The following XRCC6 variants were observed in gnomAD, a reference collection of about 807,000 sequenced individuals.
XRCC6 encodes X-ray repair cross complementing 6, also known as DNA repair protein Ku70.
A neutral mutation model predicts 65.7 loss-of-function variants in XRCC6; 5 were observed. The observed-to-expected ratio is 0.08, with a 90% CI of 0.04 to 0.16. The LOEUF (loss-of-function observed/expected upper bound fraction) is 0.16, where lower values mean the gene tolerates loss of function less well. Among genes scored for constraint, XRCC6 ranks in the 10% least tolerant of loss-of-function variants. The probability of loss-of-function intolerance (pLI) is 1.00; values close to 1 mark genes in which losing one functional copy is unlikely to be tolerated. For missense variants in XRCC6, 447 were observed against 738.1 expected (o/e 0.61, Z 4.57); for synonymous variants, 270 against 270.6 (o/e 1.00, Z 0.02).
At chr22:41,642,690 C>A (rs530569518) in intron 6 of XRCC6, among the ~76,000 whole-genome samples, 1 of 152,142 alleles carries the variant, frequency 6.6e-6, no homozygotes, top group South Asian at 2.1e-4. Flanking sequence ...AATATTTAAA[C>A]TTACTGTAGC....
In XRCC6 at chr22:41,663,750, G is replaced by C. The variant is rs538910971; in HGVS notation, c.1765G>C (p.Gly589Arg). ...PMLKEACRAYGLKSGLKKQEL... is the reference protein window; with the variant it reads ...PMLKEACRAYRLKSGLKKQEL... ...GCTGAAAGAGGCCTGCCGGGCTTAC[G>C]GGCTGAAGAGTGGGCTGAAGAAGCA... is the stretch of plus-strand genomic sequence containing the variant. The change falls in exon 13 of 13, where the codon GGG becomes CGG. Residue 589 changes from glycine (G) to arginine (R), a missense_variant. Physicochemically the swap from Gly to Arg is moderately radical, Grantham distance 125. Transcript: ENST00000360079. The C allele has an allele frequency of 6.2e-7, 1 of 1,613,908 alleles. No individual in the cohort carries two copies. The highest frequency in any genetic ancestry group is 1.7e-5 in the Admixed American group (1 of 60,008).
At position 41,643,474 on chromosome 22, in the gene XRCC6, A is replaced by G. The variant is rs536126797; in HGVS notation, c.774-3422A>G. Among the ~76,000 whole-genome samples the G allele has an allele frequency of 2.5e-3, 379 of 152,104 alleles. 1 individual carries two copies. The highest frequency in any genetic ancestry group is 8.7e-3 in the African/African-American group (360 of 41,486). On this transcript the variant is annotated intron_variant, in intron 6 of 12. Transcript: ENST00000360079. ...TGTCTCTGAGCATGGCTTTAGCTGCATCGTATACATTTTGATATATTGTGT... is the reference window on the plus strand; with the variant it reads ...TGTCTCTGAGCATGGCTTTAGCTGCGTCGTATACATTTTGATATATTGTGT...
At chr22:41,622,477 A>G (rs748057227) in intron 2 of XRCC6, among the ~76,000 whole-genome samples, 2 of 152,148 alleles carry the variant, frequency 1.3e-5, no homozygotes, top group Non-Finnish European at 2.9e-5. Context: ...AACGCAAGCA[A>G]CACAGTTACA....
intron 6 of XRCC6, among the ~76,000 whole-genome samples, chr22:41,642,788 C>T (rs2067892211): frequency 6.6e-6 from 1 of 152,182 alleles, no homozygotes; most frequent in South Asian, 2.1e-4. Flanking sequence ...TTATCGTCAA[C>T]TCTCCTTCAA....
chr22:41,626,631 G>GTTTTTTTT lies in XRCC6; in HGVS notation c.83-1483_83-1476dup, dbSNP rs921225213. On this transcript the variant is annotated intron_variant, in intron 2 of 12. Coordinates refer to ENST00000360079, the MANE Select transcript of XRCC6 (RefSeq NM_001469.5). ...CACCACACCTGGCTAATGTTTGTTT[G>GTTTTTTTT]TTTTTTTTTTTGTTTTTTTTTTTTG... is the stretch of plus-strand genomic sequence containing the variant. 1.5e-3 allele frequency among the ~76,000 whole-genome samples: 169 copies of GTTTTTTTT among 111,424 alleles called. 6 individuals are homozygous for GTTTTTTTT. Among genetic ancestry groups the GTTTTTTTT allele is most frequent in the Non-Finnish European group, 2.2e-3 (112 of 49,908 alleles). The allele number at this position is 111,424 out of a possible 152,430, so 73.1% of individuals were successfully genotyped here. A position where few individuals can be genotyped will look rare whatever the true frequency, so the allele number is the denominator to read the frequency against.
intron 3 of XRCC6, among the ~76,000 whole-genome samples, chr22:41,631,543 A>G (rs369567853): frequency 1.5e-4 from 18 of 120,046 alleles, no homozygotes; most frequent in Non-Finnish European, 2.1e-4. Flanking sequence ...CGGCGGGGCA[A>G]AGGCGCTCCC....
In XRCC6 at chr22:41,658,347, T is replaced by TGACATGTAAGGAGGTTGAATAGAGTA. The variant is rs749345195; in HGVS notation, c.1519_1522+22dup. On this transcript the variant is annotated stop_gained and frameshift_variant, in exon 11 of 13. Coordinates refer to ENST00000360079, the MANE Select transcript of XRCC6 (RefSeq NM_001469.5). LOFTEE classifies it high-confidence loss of function. ...ATGGAGCCGGAACAAGCAGTGGACCTGACATGTAAGGAGGTTGAATAGAGT... is the reference window on the plus strand; with the variant it reads ...ATGGAGCCGGAACAAGCAGTGGACCTGACATGTAAGGAGGTTGAATAGAGTAGACATGTAAGGAGGTTGAATAGAGT... The TGACATGTAAGGAGGTTGAATAGAGTA allele has an allele frequency of 6.2e-7, 1 of 1,614,074 alleles. No homozygotes were observed. The highest frequency in any genetic ancestry group is 8.5e-7 in the Non-Finnish European group (1 of 1,179,960).
At chr22:41,633,322 G>A (rs1454743006) in intron 3 of XRCC6, among the ~76,000 whole-genome samples, 1 of 152,086 alleles carries the variant, frequency 6.6e-6, no homozygotes, top group Non-Finnish European at 1.5e-5. Flanking sequence ...AAATTGTCAG[G>A]TGATGCTGAT....
intron 11 of XRCC6, among the ~76,000 whole-genome samples, chr22:41,661,123 T>A (rs1419036925): frequency 1.3e-5 from 2 of 152,188 alleles, no homozygotes; most frequent in African/African-American, 4.8e-5. Flanking sequence ...TTAAAGCATT[T>A]ACAACAGTGC....
Position 41,650,866 on chromosome 22 carries a change from G to A in XRCC6, c.1104G>A (p.Val368=), listed in dbSNP as rs761032323. Reference sequence around the variant, plus strand: ...ATTACCTGAGGCCCTCCCTGTTCGTGTACCCAGAGGAGTCGCTGGTGATTG... The same window carrying A: ...ATTACCTGAGGCCCTCCCTGTTCGTATACCCAGAGGAGTCGCTGGTGATTG... ...KHHYLRPSLF[V]YPEESLVIGS... is the part of the protein sequence containing the mutation. The change falls in exon 8 of 13, where the codon GTG becomes GTA. Residue 368 remains valine, a synonymous_variant. Coordinates refer to ENST00000360079, the MANE Select transcript of XRCC6 (RefSeq NM_001469.5). 6.2e-7 allele frequency: 1 copy of A among 1,614,130 alleles called. No individual in the cohort carries two copies. The highest frequency in any genetic ancestry group is 8.5e-7 in the Non-Finnish European group (1 of 1,180,014).
chr22:41,657,066 C>T, intron 10 of XRCC6, 34 bp downstream of exon 10: 1 of 1,533,428 alleles, frequency 6.5e-7, no homozygotes, highest in Non-Finnish European at 8.7e-7. Context: ...GAACTGCCTC[C>T]TGAGTTGAAA....
chr22:41,646,806 TAA>T, intron 6 of XRCC6, 88 bp from the exon 7 acceptor site: 1 of 1,119,324 alleles, frequency 8.9e-7, no homozygotes, highest in South Asian at 1.6e-5. Flanking sequence ...TTGGAGAGAA[TAA>T]AACAGTGAAG....
At position 41,653,648 on chromosome 22, in the gene XRCC6, G is replaced by A; in HGVS notation, c.1249G>A (p.Glu417Lys). The change falls in exon 9 of 13, where the codon GAA (glutamate) becomes AAA (lysine). Residue 417 changes from glutamate (E) to lysine (K), a missense_variant. By Grantham distance (56) the Glu-to-Lys change is moderately conservative. Around this residue, in one of 4 missense-constraint regions of XRCC6, gnomAD observed 201 missense variants for 374.1 expected, o/e 0.54. Transcript: ENST00000360079. Reference protein sequence around the residue: ...PPYFVALVPQEEELDDQKIQV... With the variant: ...PPYFVALVPQKEELDDQKIQV... ...TTATTTTGTGGCTTTGGTGCCACAGGAAGAAGAGTTGGATGACCAGAAAAT... is the reference window on the plus strand; with the variant it reads ...TTATTTTGTGGCTTTGGTGCCACAGAAAGAAGAGTTGGATGACCAGAAAAT... 1.2e-6 allele frequency: 2 copies of A among 1,614,104 alleles called. No homozygotes were observed. The highest frequency in any genetic ancestry group is 1.7e-6 in the Non-Finnish European group (2 of 1,179,978).
At chr22:41,645,366 A>G (rs966907582) in intron 6 of XRCC6, among the ~76,000 whole-genome samples, 2 of 152,132 alleles carry the variant, frequency 1.3e-5, no homozygotes, top group African/African-American at 2.4e-5. Flanking sequence ...ATTTCAGCGT[A>G]TGAGTCAAAT....
chr22:41,625,420 C>T (rs554028148), intron 2 of XRCC6, among the ~76,000 whole-genome samples: 36 of 152,238 alleles, frequency 2.4e-4, no homozygotes, highest in Middle Eastern at 3.4e-3. Flanking sequence ...CACCTGAGGT[C>T]GGGAGTTTGA....
chr22:41,651,308 A>G (rs979877009), intron 8 of XRCC6, among the ~76,000 whole-genome samples: 1 of 149,914 alleles, frequency 6.7e-6, no homozygotes, highest in South Asian at 2.1e-4. Context: ...AAAAAAACCA[A>G]AAGTGTTTCA....
intron 6 of XRCC6, among the ~76,000 whole-genome samples, chr22:41,644,728 A>G (rs1017682420): frequency 7.2e-5 from 11 of 151,818 alleles, no homozygotes; most frequent in African/African-American, 1.7e-4. Context: ...AGCTCAGGCA[A>G]TCCGCCCGCC....
intron 3 of XRCC6, 70 bp from the exon 4 acceptor site, chr22:41,636,043 A>G (rs1464523147): frequency 1.4e-6 from 2 of 1,401,762 alleles, no homozygotes; most frequent in African/African-American, 1.5e-5. Flanking sequence ...TTGAGCAACT[A>G]ATAGGTACTG....
At chr22:41,656,460 C>T (rs972115807) in intron 9 of XRCC6, among the ~76,000 whole-genome samples, 1 of 150,006 alleles carries the variant, frequency 6.7e-6, no homozygotes, top group Non-Finnish European at 1.5e-5. Flanking sequence ...GAGGTTGCAG[C>T]GAGCCGAGAT....
Sources: allele counts gnomAD v4.1 joint callset (sites outside exome capture counted in the v4.1 genomes callset), GRCh38; gene constraint gnomAD v4.1.1; regional missense constraint gnomAD v4.1.1; transcripts MANE v1.5; gene names NCBI Gene and HGNC (gene_info 2026-07-23, HGNC 2026-07-21).